Variants in IDO2 observed in about 807,000 individuals in gnomAD.
IDO2 encodes indoleamine 2,3-dioxygenase 2, also known as indoleamine 2,3-dioxygenase-like 1 protein.
IDO2 carries 46 observed loss-of-function variants against 45.1 expected under a neutral mutation model. The ratio of observed to expected loss-of-function variants is 1.02; its 90% CI spans 0.80 to 1.30. The LOEUF is 1.30. Among genes scored for constraint, IDO2 ranks in the 50% most tolerant of loss-of-function variants. IDO2 has a pLI of 0.00. For missense variants in IDO2, 544 were observed against 491.8 expected (o/e 1.11, Z -1.00); for synonymous variants, 218 against 184.9 (o/e 1.18, Z -1.45).
At chr8:39,974,015 C>G (rs752841387) in intron 3 of IDO2, among the ~76,000 whole-genome samples, 18 of 152,140 alleles carry the variant, frequency 1.2e-4, no homozygotes, top group Non-Finnish European at 2.5e-4. Flanking sequence ...GCTGGGATTA[C>G]AGGTGTGAGC....
At chr8:40,003,228 G>A (rs1802167202) in intron 8 of IDO2, among the ~76,000 whole-genome samples, 1 of 151,970 alleles carries the variant, frequency 6.6e-6, no homozygotes, top group African/African-American at 2.4e-5. Flanking sequence ...GAATTATCCA[G>A]GTGTGGTGAC....
At chr8:39,938,877 G>A (rs750817101) in intron 1 of IDO2, among the ~76,000 whole-genome samples, 1 of 152,272 alleles carries the variant, frequency 6.6e-6, no homozygotes, top group East Asian at 1.9e-4. Context: ...TTAAAACAAT[G>A]AGATACCACT....
rs1368804819 is a variant in IDO2, at chr8:39,985,519, T to C, written c.446T>C (p.Ile149Thr). ...TGAAATTGGGCTAGATTCCTGGAAATTGGGTAAGTTCTCAGAAATCATTTA... is the reference window on the plus strand; with the variant it reads ...TGAAATTGGGCTAGATTCCTGGAAACTGGGTAAGTTCTCAGAAATCATTTA... The change falls in exon 6 of 11, where the codon ATT becomes ACT. Residue 149 changes from isoleucine to threonine, a missense_variant. Ile to Thr is a moderately conservative substitution (Grantham distance 89, BLOSUM62 -1). Coordinates refer to ENST00000502986, the Ensembl canonical transcript of IDO2. 3.8e-6 allele frequency: 6 copies of C among 1,564,746 alleles called. No homozygotes were observed. The African/African-American group carries it at 4.1e-5, about 11-fold the overall frequency.
chr8:40,010,349 CAG>C (rs1182492737), intron 9 of IDO2, among the ~76,000 whole-genome samples: 1 of 152,096 alleles, frequency 6.6e-6, no homozygotes, highest in South Asian at 2.1e-4. Context: ...CCGCAACACT[CAG>C]GGGAGAATAA....
chr8:40,015,165 A>T (rs906811743), intron 10 of IDO2, 82 bp from the exon 11 acceptor site: 2 of 878,786 alleles, frequency 2.3e-6, no homozygotes, highest in African/African-American at 3.4e-5. Flanking sequence ...GAGAAAAAAA[A>T]AATAAAAAAG....
intron 4 of IDO2, among the ~76,000 whole-genome samples, chr8:39,982,236 GTATATATATATATATA>G (rs10612525): frequency 7.2e-6 from 1 of 139,624 alleles, no homozygotes; most frequent in East Asian, 3.1e-4. Context: ...ATATATGTGT[GTATATATATATATATA>G]TGTATATATA....
chr8:39,999,379 A>G (rs1802102285), intron 8 of IDO2, among the ~76,000 whole-genome samples: 1 of 148,970 alleles, frequency 6.7e-6, no homozygotes, highest in African/African-American at 2.5e-5. Flanking sequence ...TCTCGGTTCA[A>G]GCGATTCTCC....
At chr8:39,979,237 T>G in intron 4 of IDO2, 51 bp downstream of exon 4, 3 of 1,549,992 alleles carry the variant, frequency 1.9e-6, no homozygotes, top group Non-Finnish European at 2.6e-6. Context: ...TACCTGCGCC[T>G]GGAGTAACGT....
chr8:39,945,779 T>G (rs1224738031), intron 1 of IDO2, among the ~76,000 whole-genome samples: 4 of 152,170 alleles, frequency 2.6e-5, no homozygotes, highest in African/African-American at 9.7e-5. Context: ...ATCACTAATC[T>G]GCAAAAGCTG....
intron 3 of IDO2, among the ~76,000 whole-genome samples, chr8:39,968,031 A>G (rs927906013): frequency 7.9e-5 from 12 of 152,118 alleles, no homozygotes; most frequent in African/African-American, 2.9e-4. Flanking sequence ...TGTTCCCAGA[A>G]AAAAAATCCA....
At chr8:39,971,675 A>G (rs1808182150) in intron 3 of IDO2, among the ~76,000 whole-genome samples, 2 of 152,254 alleles carry the variant, frequency 1.3e-5, no homozygotes, top group Admixed American at 1.3e-4. Context: ...GTCAACCCTC[A>G]TGGATGACTT....
chr8:39,979,202 C>A lies in IDO2; in HGVS notation c.315+16C>A. Reference sequence around the variant, plus strand: ...GCCTGCAGAGGTGAGGGCCAGAGAGCAGCTTCTCCTGTTACCCGGCAGGTT... The same window carrying A: ...GCCTGCAGAGGTGAGGGCCAGAGAGAAGCTTCTCCTGTTACCCGGCAGGTT... On this transcript the variant is annotated intron_variant, in intron 4 of 10. Coordinates refer to ENST00000502986, the Ensembl canonical transcript of IDO2. The A allele has an allele frequency of 6.4e-7, 1 of 1,566,974 alleles. No homozygotes were observed. Among genetic ancestry groups the A allele is most frequent in the Non-Finnish European group, 8.7e-7 (1 of 1,155,858 alleles).
intron 2 of IDO2, among the ~76,000 whole-genome samples, chr8:39,954,856 T>C (rs1241771027): frequency 1.3e-5 from 2 of 151,478 alleles, no homozygotes; most frequent in African/African-American, 4.9e-5. Context: ...AGGGTTTCGC[T>C]ATTTTGGTCA....
intron 9 of IDO2, among the ~76,000 whole-genome samples, chr8:40,009,778 C>T (rs1585422306): frequency 6.6e-6 from 1 of 152,264 alleles, no homozygotes; most frequent in African/African-American, 2.4e-5. Flanking sequence ...GAGGGTGAGG[C>T]ACTGAAAGCA....
At chr8:40,008,683 T>TCAGAA (rs576657865) in intron 9 of IDO2, among the ~76,000 whole-genome samples, 1 of 152,234 alleles carries the variant, frequency 6.6e-6, no homozygotes, top group Non-Finnish European at 1.5e-5. Flanking sequence ...CTTCTCTATG[T>TCAGAA]CAGAAGCATC....
intron 3 of IDO2, among the ~76,000 whole-genome samples, chr8:39,964,172 T>C (rs1186503433): frequency 6.6e-6 from 1 of 152,152 alleles, no homozygotes; most frequent in Non-Finnish European, 1.5e-5. Context: ...CTACAAAACA[T>C]CCAATAAGCC....
intron 9 of IDO2, among the ~76,000 whole-genome samples, chr8:40,008,816 C>T (rs60497295): frequency 0.17 from 26,285 of 151,982 alleles, 2,676 homozygotes; most frequent in East Asian, 0.34. Flanking sequence ...TACATAAATG[C>T]CTCCGCTCTG....
At chr8:39,953,816 C>T (rs904276764) in intron 2 of IDO2, among the ~76,000 whole-genome samples, 10 of 152,192 alleles carry the variant, frequency 6.6e-5, no homozygotes, top group Admixed American at 1.3e-4. Context: ...CCACCCGCCT[C>T]GGCCCTCTGT....
chr8:39,978,520 G>T (rs1206097408), intron 3 of IDO2, among the ~76,000 whole-genome samples: 2 of 152,152 alleles, frequency 1.3e-5, no homozygotes, highest in Admixed American at 1.3e-4. Flanking sequence ...CCCCATTATG[G>T]CAACAGGGCT....
Sources: gnomAD v4.1 joint callset for allele counts (sites outside exome capture counted in the v4.1 genomes callset) on GRCh38, gnomAD v4.1.1 for gene constraint, MANE v1.5 for transcripts, NCBI Gene and HGNC (gene_info 2026-07-23, HGNC 2026-07-21) for gene names.